ANKRD22: variants seen among roughly 807,000 people sequenced by gnomAD.
ANKRD22 encodes ankyrin repeat domain 22, also known as ankyrin repeat domain-containing protein 22.
Under a neutral mutation model 25.7 loss-of-function variants are expected in ANKRD22, and 24 were observed. That is an observed-to-expected ratio of 0.93 (90% CI 0.68 to 1.31). ANKRD22 has a LOEUF of 1.31. Among genes scored for constraint, ANKRD22 ranks in the 50% most tolerant of loss-of-function variants. The pLI is 0.00. For synonymous variants in ANKRD22, 84 were observed against 84.3 expected (o/e 1.00, Z 0.02); for missense variants, 214 against 227.1 (o/e 0.94, Z 0.37).
chr10:88,849,843 C>G (rs1844086768), intron 1 of ANKRD22, among the ~76,000 whole-genome samples: 1 of 152,110 alleles, frequency 6.6e-6, no homozygotes, highest in South Asian at 2.1e-4. Context: ...AGCTTATCCT[C>G]TAGTGCAGAT....
intron 1 of ANKRD22, among the ~76,000 whole-genome samples, chr10:88,850,009 T>G (rs1179558396): frequency 6.6e-6 from 1 of 151,486 alleles, no homozygotes; most frequent in South Asian, 2.1e-4. Context: ...GGGGAAGTTT[T>G]TTTTTTTTTT....
chr10:88,822,536 C>T lies in ANKRD22; in HGVS notation c.*405G>A, dbSNP rs1843807489. ...TCTTCAGGAAAGACTGAGTTTGGAA[C>T]ACCAGGGCTTTTTTTTTTTTTTTTT... On this transcript the variant is annotated 3_prime_UTR_variant, in exon 6 of 6. Coordinates refer to ENST00000371930, the MANE Select transcript of ANKRD22 (RefSeq NM_144590.3). 1 of 35,502 alleles carries T rather than the reference C, an allele frequency of 2.8e-5. No homozygotes were observed. Among genetic ancestry groups the T allele is most frequent in the Admixed American group, 3.3e-4 (1 of 3,048 alleles). 2.2% of individuals were successfully genotyped at this position (35,502 alleles called of 1,614,324 possible).
At chr10:88,846,146 C>CT (rs200694729) in intron 1 of ANKRD22, among the ~76,000 whole-genome samples, 1,884 of 149,824 alleles carry the variant, frequency 0.013, 32 homozygotes, top group African/African-American at 0.036. Flanking sequence ...GGTCAGACAT[C>CT]TTTTTTTTTT....
At chr10:88,846,570 G>A (rs1005262198) in intron 1 of ANKRD22, among the ~76,000 whole-genome samples, 1 of 152,134 alleles carries the variant, frequency 6.6e-6, no homozygotes, top group African/African-American at 2.4e-5. Context: ...GCTACAAAAT[G>A]TTGTGAAAAC....
At position 88,822,967 on chromosome 10, in the gene ANKRD22, C is replaced by G. The variant is rs773168776; in HGVS notation, c.550G>C (p.Glu184Gln). The change falls in exon 6 of 6, where the codon GAA becomes CAA. Residue 184 changes from glutamate to glutamine, a missense_variant. By Grantham distance (29) the Glu-to-Gln change is conservative (BLOSUM62 2). Transcript: ENST00000371930. ...IARRLKFSQIELMLRKAL is the reference protein window; with the variant it reads ...IARRLKFSQIQLMLRKAL ...TACAATGCTTTCCTTAGCATTAATT[C>G]AATCTGGGAAAATTTTAATCTCCGT... is the stretch of plus-strand genomic sequence containing the variant. 6.2e-7 allele frequency: 1 copy of G among 1,608,184 alleles called. No individual in the cohort carries two copies. The highest frequency in any genetic ancestry group is 8.5e-7 in the Non-Finnish European group (1 of 1,176,354).
chr10:88,831,054 AG>A (rs1843898695), intron 2 of ANKRD22, among the ~76,000 whole-genome samples: 2 of 152,214 alleles, frequency 1.3e-5, no homozygotes, highest in Admixed American at 6.5e-5. Context: ...ATGACTTAGA[AG>A]GGGCAAGGGG....
At chr10:88,828,396 AATTAT>A (rs1255721732) in intron 3 of ANKRD22, among the ~76,000 whole-genome samples, 158 bp downstream of exon 3, 1 of 152,196 alleles carries the variant, frequency 6.6e-6, no homozygotes, top group African/African-American at 2.4e-5. Context: ...GCTGTACTTC[AATTAT>A]AGCATTGGAT....
intron 1 of ANKRD22, 63 bp downstream of exon 1, chr10:88,851,524 C>A (rs776342687): frequency 3.6e-5 from 57 of 1,574,238 alleles, no homozygotes; most frequent in Non-Finnish European, 4.7e-5. Flanking sequence ...TAGAAAATTG[C>A]ATCTGAAAAG....
chr10:88,823,094 T>G, intron 5 of ANKRD22, 76 bp from the exon 6 acceptor site: 1 of 1,446,568 alleles, frequency 6.9e-7, no homozygotes, highest in Non-Finnish European at 9.7e-7. Flanking sequence ...CAATTGACTC[T>G]CTGTGTTGGC....
At chr10:88,851,191 G>A (rs1265200177) in intron 1 of ANKRD22, among the ~76,000 whole-genome samples, 1 of 152,050 alleles carries the variant, frequency 6.6e-6, no homozygotes. Context: ...TGGTCATGTG[G>A]TTCCATAAAA....
intron 1 of ANKRD22, among the ~76,000 whole-genome samples, chr10:88,844,593 A>G (rs1269204398): frequency 6.6e-6 from 1 of 152,128 alleles, no homozygotes; most frequent in Non-Finnish European, 1.5e-5. Context: ...ATAAGTAAAC[A>G]TTACAGATTT....
intron 2 of ANKRD22, among the ~76,000 whole-genome samples, chr10:88,830,131 C>T (rs984322840): frequency 6.6e-6 from 1 of 152,182 alleles, no homozygotes; most frequent in Non-Finnish European, 1.5e-5. Flanking sequence ...ATAATATTGC[C>T]TGAACCTGCT....
In ANKRD22 at chr10:88,848,446, C is replaced by T. The variant is rs189030680; in HGVS notation, c.21+3141G>A. 7.7e-4 allele frequency among the ~76,000 whole-genome samples: 117 copies of T among 152,042 alleles called. 3 individuals carry two copies. Among genetic ancestry groups the T allele is most frequent in the Non-Finnish European group, 1.2e-4 (8 of 67,974 alleles). On this transcript the variant is annotated intron_variant, in intron 1 of 5. Transcript: ENST00000371930. ...AATATACAAGGAAAGAATTAGAAAACCAGTTGGGATGAAAACGCCTGATGC... is the reference window on the plus strand; with the variant it reads ...AATATACAAGGAAAGAATTAGAAAATCAGTTGGGATGAAAACGCCTGATGC...
At chr10:88,835,793 C>A (rs977365279) in intron 1 of ANKRD22, among the ~76,000 whole-genome samples, 1 of 152,118 alleles carries the variant, frequency 6.6e-6, no homozygotes, top group Non-Finnish European at 1.5e-5. Context: ...TATGAACTTG[C>A]GGTTTCCACT....
At chr10:88,847,408 G>A (rs7476658) in intron 1 of ANKRD22, among the ~76,000 whole-genome samples, 6 of 152,042 alleles carry the variant, frequency 3.9e-5, no homozygotes, top group African/African-American at 1.4e-4. Flanking sequence ...ACAGGCACAT[G>A]CCTCCACACC....
At position 88,828,673 on chromosome 10, in the gene ANKRD22, A is replaced by G. The variant is rs1344572998; in HGVS notation, c.214-7T>C. 9 of 1,557,094 alleles carry G rather than the reference A, an allele frequency of 5.8e-6. No homozygotes were observed. The East Asian group carries it at 1.8e-4, about 31-fold the overall frequency. ...GCAAGCAGGTTCTCTCTTTCTAAAA[A>G]TTAAGAAAAGGATTCTTTACTAATA... On this transcript the variant is annotated splice_polypyrimidine_tract_variant and splice_region_variant and intron_variant, in intron 2 of 5. Transcript: ENST00000371930.
At chr10:88,831,126 T>C (rs1275366715) in intron 2 of ANKRD22, among the ~76,000 whole-genome samples, 1 of 152,124 alleles carries the variant, frequency 6.6e-6, no homozygotes, top group Non-Finnish European at 1.5e-5. Flanking sequence ...GTCATAATGA[T>C]TGCAAAAAAA....
At chr10:88,833,393 G>A (rs1464698101) in intron 1 of ANKRD22, among the ~76,000 whole-genome samples, 3 of 152,148 alleles carry the variant, frequency 2.0e-5, no homozygotes, top group Non-Finnish European at 2.9e-5. Context: ...AGGTACCAGA[G>A]AATAAAATAT....
rs549019514 is a variant in ANKRD22, at chr10:88,824,258, A to T, written c.400-880T>A. The stretch of plus-strand genomic sequence containing the variant: ...ATTTAAAACACTACAGGTCAAAAAA[A>T]TTATAGCTAGGGCATTAGTGTCCAA... On this transcript the variant is annotated intron_variant, in intron 4 of 5. Transcript: ENST00000371930. Among the ~76,000 whole-genome samples, 3 of 152,358 alleles carry T rather than the reference A, an allele frequency of 2.0e-5. No individual in the cohort carries two copies. In the East Asian group the frequency reaches 5.8e-4, roughly 29 times the overall value.
Sources: allele counts gnomAD v4.1 joint callset (sites outside exome capture counted in the v4.1 genomes callset), GRCh38; gene constraint gnomAD v4.1.1; transcripts MANE v1.5; gene names NCBI Gene and HGNC (gene_info 2026-07-23, HGNC 2026-07-21).